BCR: variants seen among roughly 807,000 people sequenced by gnomAD.
The protein encoded by BCR is BCR activator of RhoGEF and GTPase, also known as breakpoint cluster region protein.
In BCR, 58 loss-of-function variants were observed where a neutral mutation model predicts 138.6. The observed-to-expected ratio is 0.42, with a 90% CI of 0.34 to 0.52. The LOEUF is 0.52. Among genes scored for constraint, BCR ranks in the 20% least tolerant of loss-of-function variants. The pLI is 0.06. For missense variants in BCR, 1,599 were observed against 1,727.2 expected, an observed-to-expected ratio of 0.93 and a Z score of 1.32; for synonymous variants, 786 against 730.1, an observed-to-expected ratio of 1.08 and a Z score of -1.23.
chr22:23,219,334 G>A (rs1196255754), intron 1 of BCR, among the ~76,000 whole-genome samples: 1 of 152,126 alleles, frequency 6.6e-6, no homozygotes, highest in Non-Finnish European at 1.5e-5. Context: ...TATGTTAGAC[G>A]ATGTTGTTTT....
At chr22:23,276,974 G>T (rs2073585111) in intron 8 of BCR, among the ~76,000 whole-genome samples, 1 of 152,236 alleles carries the variant, frequency 6.6e-6, no homozygotes, top group African/African-American at 2.4e-5. Flanking sequence ...CAGCCTGCGA[G>T]GGACTTTATG....
chr22:23,251,030 C>T (rs1374078207), intron 1 of BCR: 2 of 152,308 alleles, frequency 1.3e-5, no homozygotes, highest in Admixed American at 1.3e-4. Context: ...CCCTCGATGT[C>T]CCATGGATTA....
chr22:23,239,955 A>G (rs2073070829), intron 1 of BCR, among the ~76,000 whole-genome samples: 1 of 152,044 alleles, frequency 6.6e-6, no homozygotes, highest in Non-Finnish European at 1.5e-5. Flanking sequence ...AGTAGCTGAA[A>G]ACTACACTTG....
chr22:23,245,660 C>G (rs1340032835), intron 1 of BCR, among the ~76,000 whole-genome samples: 1 of 152,194 alleles, frequency 6.6e-6, no homozygotes, highest in South Asian at 2.1e-4. Flanking sequence ...AACCACACAT[C>G]TCCGAAAGCA....
At chr22:23,224,999 C>T (rs1317159159) in intron 1 of BCR, among the ~76,000 whole-genome samples, 1 of 151,970 alleles carries the variant, frequency 6.6e-6, no homozygotes, top group African/African-American at 2.4e-5. Context: ...CGGAGACAGC[C>T]ACCGAGACCC....
chr22:23,272,978 G>T (rs1477160450), intron 6 of BCR, 103 bp from the exon 7 acceptor site: 7 of 1,286,142 alleles, frequency 5.4e-6, no homozygotes, highest in Non-Finnish European at 7.8e-6. Context: ...GCCTGTGGAG[G>T]CTGGGGCAGC....
chr22:23,228,593 A>G (rs1010566286), intron 1 of BCR, among the ~76,000 whole-genome samples: 5 of 152,078 alleles, frequency 3.3e-5, no homozygotes, highest in African/African-American at 1.2e-4. Context: ...GAAGGTCTTT[A>G]TTTTGCCTTC....
chr22:23,260,723 C>T (rs2073346687), intron 2 of BCR: 2 of 521,620 alleles, frequency 3.8e-6, no homozygotes, highest in African/African-American at 1.9e-5. Context: ...GTAAGGGTGG[C>T]CCTGGTGTTG....
chr22:23,262,814 A>T (rs931766761), intron 4 of BCR: 57 of 1,001,984 alleles, frequency 5.7e-5, no homozygotes, highest in Middle Eastern at 4.8e-4. Flanking sequence ...AGCGAGCGAG[A>T]GGGGCAAGGC....
intron 4 of BCR, among the ~76,000 whole-genome samples, chr22:23,265,403 C>T (rs114303713): frequency 1.2e-4 from 18 of 152,342 alleles, no homozygotes; most frequent in African/African-American, 4.3e-4. Context: ...GGCCCAGCAT[C>T]GCTCTGTCAG....
intron 1 of BCR, among the ~76,000 whole-genome samples, chr22:23,243,939 G>A (rs1042813606): frequency 6.6e-6 from 1 of 152,104 alleles, no homozygotes; most frequent in Non-Finnish European, 1.5e-5. Context: ...ACCGTGCCCG[G>A]CTCTAGCAAA....
intron 1 of BCR, among the ~76,000 whole-genome samples, chr22:23,197,681 A>G (rs923408653): frequency 6.6e-6 from 1 of 151,880 alleles, no homozygotes; most frequent in African/African-American, 2.4e-5. Flanking sequence ...TTCTTTGAGG[A>G]TGATAGGGAG....
chr22:23,234,888 A>G lies in BCR; in HGVS notation c.1280-18911A>G, dbSNP rs1568946526. On this transcript the variant is annotated intron_variant, in intron 1 of 22. Transcript: ENST00000305877. ...ACACCAAGGGCCACCCGGAGCCTAC[A>G]GGAAAGTTGGGGAGTAGAGGGGCAT... is the stretch of plus-strand genomic sequence containing the variant. Among the ~76,000 whole-genome samples, 3 of 143,752 alleles carry G rather than the reference A, an allele frequency of 2.1e-5. 1 individual carries two copies. The highest frequency in any genetic ancestry group is 4.7e-5 in the Non-Finnish European group (3 of 63,168). 94.3% of individuals were successfully genotyped at this position (143,752 alleles called of 152,430 possible).
At chr22:23,223,386 T>C (rs568194538) in intron 1 of BCR, among the ~76,000 whole-genome samples, 2 of 152,306 alleles carry the variant, frequency 1.3e-5, no homozygotes, top group South Asian at 2.1e-4. Context: ...GTGTGGCCCA[T>C]TGGGGGACAG....
intron 1 of BCR, among the ~76,000 whole-genome samples, chr22:23,230,588 G>T (rs547214787): frequency 1.3e-5 from 2 of 152,352 alleles, no homozygotes; most frequent in African/African-American, 4.8e-5. Context: ...TTATTCAGCA[G>T]TGTCCCAGGG....
chr22:23,199,842 G>A (rs1457343523), intron 1 of BCR, among the ~76,000 whole-genome samples: 1 of 152,152 alleles, frequency 6.6e-6, no homozygotes, highest in African/African-American at 2.4e-5. Context: ...TGTAATCCCA[G>A]CACTTTGGGA....
intron 4 of BCR, 191 bp downstream of exon 4, chr22:23,261,731 CTTTT>C (rs370187627): frequency 3.0e-5 from 9 of 304,170 alleles, no homozygotes; most frequent in South Asian, 6.8e-5. Context: ...CATGCCCAGC[CTTTT>C]TTTTTTTTTT....
intron 1 of BCR, among the ~76,000 whole-genome samples, chr22:23,238,807 C>T (rs376977535): frequency 6.6e-6 from 1 of 152,028 alleles, no homozygotes; most frequent in Admixed American, 6.6e-5. Context: ...CAGAGCTATA[C>T]CCCTCCAGGG....
chr22:23,245,373 G>T (rs2073144575), intron 1 of BCR, among the ~76,000 whole-genome samples: 1 of 152,014 alleles, frequency 6.6e-6, no homozygotes, highest in Non-Finnish European at 1.5e-5. Context: ...TCTCTACCCG[G>T]GCAGCTGCGG....
Sources: allele counts gnomAD v4.1 joint callset (sites outside exome capture counted in the v4.1 genomes callset), GRCh38; gene constraint gnomAD v4.1.1; transcripts MANE v1.5; gene names NCBI Gene and HGNC (gene_info 2026-07-23, HGNC 2026-07-21).